The following STARD13 variants were observed in gnomAD, a reference collection of about 807,000 sequenced individuals.
STARD13 encodes the protein stAR-related lipid transfer protein 13.
A neutral mutation model predicts 106.4 loss-of-function variants in STARD13; 62 were observed. The observed-to-expected ratio is 0.58, with a 90% CI of 0.48 to 0.72. The LOEUF is 0.72. STARD13 is among the 30% of genes least tolerant of loss of function. The pLI is 0.00. For missense variants in STARD13, 1,387 were observed against 1,424.0 expected, an observed-to-expected ratio of 0.97 and a Z score of 0.42; for synonymous variants, 565 against 553.0, an observed-to-expected ratio of 1.02 and a Z score of -0.31.
the STARD13 span, among the ~76,000 whole-genome samples, chr13:33,644,308 T>C: frequency 6.6e-6 from 1 of 152,146 alleles, no homozygotes; most frequent in South Asian, 2.1e-4. Context: ...GAGAAAATAA[T>C]AGTCCATTCA....
In STARD13 at chr13:33,165,201, A is replaced by G; in HGVS notation, c.323+136T>C. On this transcript the variant is annotated intron_variant, in intron 3 of 13. Transcript: ENST00000336934. Reference sequence around the variant, plus strand: ...CATGCTCATTAACAGTAGTACATTTAGAACCTGCACCTGGGTCAGGCACAT... The same window carrying G: ...CATGCTCATTAACAGTAGTACATTTGGAACCTGCACCTGGGTCAGGCACAT... The G allele has an allele frequency of 9.7e-6, 7 of 720,920 alleles. No individual in the cohort carries two copies. The South Asian group carries it at 1.1e-4, about 11-fold the overall frequency. The allele number at this position is 720,920 out of a possible 1,614,324, so 44.7% of individuals were successfully genotyped here.
chr13:33,164,539 A>C (rs1883104101), intron 3 of STARD13: 1 of 152,146 alleles, frequency 6.6e-6, no homozygotes, highest in South Asian at 2.1e-4. Flanking sequence ...CCTTATCTTC[A>C]GCTCTGACCT....
At chr13:33,376,506 A>G in the STARD13 span, among the ~76,000 whole-genome samples, 3 of 152,118 alleles carry the variant, frequency 2.0e-5, no homozygotes, top group Non-Finnish European at 2.9e-5. Context: ...AGTCCCAGCT[A>G]ATCAGGAGGC....
the STARD13 span, among the ~76,000 whole-genome samples, chr13:33,624,937 C>A: frequency 1.3e-5 from 2 of 152,210 alleles, no homozygotes; most frequent in African/African-American, 4.8e-5. Flanking sequence ...CCATGCAGAA[C>A]AACTGCAAGC....
intron 11 of STARD13, 136 bp from the exon 12 acceptor site, chr13:33,110,226 G>GAT (rs1240624601): frequency 2.9e-6 from 2 of 693,130 alleles, no homozygotes; most frequent in Non-Finnish European, 4.9e-6. Flanking sequence ...AATTGAGAGT[G>GAT]ATACTACATA....
chr13:33,280,730 A>G (rs7334269), intron 1 of STARD13: 149,215 of 152,332 alleles, frequency 0.98, 73,172 homozygotes, highest in East Asian at 1. Context: ...GCTGAATGAC[A>G]TAATAAGAAA....
chr13:33,464,516 C>T, the STARD13 span, among the ~76,000 whole-genome samples: 2 of 152,094 alleles, frequency 1.3e-5, no homozygotes, highest in Non-Finnish European at 2.9e-5. Flanking sequence ...TCCTATGCTA[C>T]TATTGCATAA....
intron 1 of STARD13, among the ~76,000 whole-genome samples, chr13:33,226,763 A>C (rs1369672850): frequency 6.6e-6 from 1 of 152,192 alleles, no homozygotes; most frequent in African/African-American, 2.4e-5. Context: ...TTCAGATAAG[A>C]ACATTTCATA....
At chr13:33,194,836 T>C (rs1338880229) in intron 1 of STARD13, among the ~76,000 whole-genome samples, 1 of 152,248 alleles carries the variant, frequency 6.6e-6, no homozygotes, top group Non-Finnish European at 1.5e-5. Flanking sequence ...TTTTTTAAAA[T>C]GACCACAGCT....
intron 1 of STARD13, among the ~76,000 whole-genome samples, chr13:33,321,217 T>C (rs992221224): frequency 1.3e-5 from 2 of 152,034 alleles, no homozygotes; most frequent in Non-Finnish European, 2.9e-5. Context: ...ATAATAATAA[T>C]AAATAGGCCA....
At chr13:33,209,278 C>T (rs1887583960) in intron 1 of STARD13, among the ~76,000 whole-genome samples, 1 of 152,168 alleles carries the variant, frequency 6.6e-6, no homozygotes, top group African/African-American at 2.4e-5. Context: ...CAGAAATCTG[C>T]CTCATCCAGC....
At chr13:33,430,420 A>T in the STARD13 span, among the ~76,000 whole-genome samples, 4 of 152,200 alleles carry the variant, frequency 2.6e-5, no homozygotes, top group East Asian at 1.9e-4. Flanking sequence ...AAAGACAGGC[A>T]ACAATAACAG....
chr13:33,384,994 C>A, the STARD13 span, among the ~76,000 whole-genome samples: 3 of 151,566 alleles, frequency 2.0e-5, no homozygotes, highest in Non-Finnish European at 1.5e-5. Context: ...AGTTTCAACA[C>A]ACCTTGGAAA....
chr13:33,175,544 A>G (rs1884427867), intron 1 of STARD13, among the ~76,000 whole-genome samples: 1 of 152,194 alleles, frequency 6.6e-6, no homozygotes, highest in Non-Finnish European at 1.5e-5. Context: ...TCTGTAGGAA[A>G]GGTGGTGAAC....
At chr13:33,437,371 G>A in the STARD13 span, among the ~76,000 whole-genome samples, 3 of 152,120 alleles carry the variant, frequency 2.0e-5, no homozygotes, top group Non-Finnish European at 4.4e-5. Context: ...CAGGGAGCTC[G>A]GCTCTTGAGA....
chr13:33,609,085 C>CAAAAAAAAAAAAAAAAAA, the STARD13 span, among the ~76,000 whole-genome samples: 2 of 50,594 alleles, frequency 4.0e-5, no homozygotes, highest in African/African-American at 9.6e-5. Context: ...GACTCCGTCT[C>CAAAAAAAAAAAAAAAAAA]AAAAAAAAAA....
intron 1 of STARD13, among the ~76,000 whole-genome samples, chr13:33,319,355 A>C (rs1470126941): frequency 2.6e-5 from 4 of 152,168 alleles, no homozygotes; most frequent in African/African-American, 7.2e-5. Flanking sequence ...ATTCACAGAG[A>C]CAGAAAGTTG....
At chr13:33,112,196 A>G in intron 9 of STARD13, among the ~76,000 whole-genome samples, 1 of 152,170 alleles carries the variant, frequency 6.6e-6, no homozygotes, top group East Asian at 1.9e-4. Context: ...TCTTAAATAT[A>G]GCCTTTTAAA....
chr13:33,359,664 C>CA, the STARD13 span: 2,792 of 139,686 alleles, frequency 0.02, 78 homozygotes, highest in African/African-American at 0.061. Flanking sequence ...GACTCCATCT[C>CA]AAAAAAAAAA....
Sources: gnomAD v4.1 joint callset for allele counts (sites outside exome capture counted in the v4.1 genomes callset) on GRCh38, gnomAD v4.1.1 for gene constraint, MANE v1.5 for transcripts, NCBI Gene and HGNC (gene_info 2026-07-23, HGNC 2026-07-21) for gene names.